Variants in ERC2 observed in about 807,000 individuals in gnomAD.
The protein encoded by ERC2 is ERC protein 2.
In ERC2, 42 loss-of-function variants were observed where a neutral mutation model predicts 114.8. The ratio of observed to expected loss-of-function variants is 0.37; its 90% CI spans 0.29 to 0.47. The LOEUF is 0.47. Among genes scored for constraint, ERC2 ranks in the 20% least tolerant of loss-of-function variants. ERC2 has a pLI of 0.99. For missense variants in ERC2, 939 were observed against 1,150.7 expected (o/e 0.82, Z 2.66); for synonymous variants, 454 against 425.5 (o/e 1.07, Z -0.82).
rs2070595664 is a variant in ERC2, at chr3:55,985,995, G to A, written c.2256-7C>T. On this transcript the variant is annotated splice_polypyrimidine_tract_variant and splice_region_variant and intron_variant, in intron 11 of 17. Coordinates refer to ENST00000288221, the MANE Select transcript of ERC2 (RefSeq NM_015576.3). ...TACTGACCTGAGAGTCAAGCTGATT[G>A]GAGCAAGGGTGAAAGCAGCAATTTG... 2.6e-6 allele frequency: 4 copies of A among 1,540,080 alleles called. No individual in the cohort carries two copies. Among genetic ancestry groups the A allele is most frequent in the African/African-American group, 1.4e-5 (1 of 73,306 alleles).
intron 3 of ERC2, among the ~76,000 whole-genome samples, chr3:56,280,582 G>A (rs1364341853): frequency 6.6e-6 from 1 of 152,170 alleles, no homozygotes; most frequent in Non-Finnish European, 1.5e-5. Flanking sequence ...AAGTCCACTA[G>A]ATGGTTACAT....
chr3:56,139,268 AT>A (rs910005935), intron 6 of ERC2, among the ~76,000 whole-genome samples: 2 of 152,226 alleles, frequency 1.3e-5, no homozygotes, highest in Non-Finnish European at 2.9e-5. Flanking sequence ...AGTATAAGAA[AT>A]TTTTTTAATG....
intron 3 of ERC2, among the ~76,000 whole-genome samples, chr3:56,196,406 C>T (rs988163454): frequency 7.9e-5 from 12 of 151,922 alleles, no homozygotes; most frequent in Admixed American, 2.0e-4. Flanking sequence ...GCCCATTTTC[C>T]ATCAAGTCCA....
intron 17 of ERC2, among the ~76,000 whole-genome samples, chr3:55,639,562 C>G (rs1365415946): frequency 6.6e-6 from 1 of 152,198 alleles, no homozygotes; most frequent in Non-Finnish European, 1.5e-5. Flanking sequence ...AATGAACAAA[C>G]AAGTGAATAA....
At chr3:55,675,899 C>CTTTTT (rs2061771739) in intron 17 of ERC2, among the ~76,000 whole-genome samples, 3 of 58,140 alleles carry the variant, frequency 5.2e-5, no homozygotes, top group Admixed American at 2.1e-4. Flanking sequence ...TTTCTCTTTT[C>CTTTTT]TTTCTTTTTT....
At chr3:56,305,440 T>C (rs1234389371) in intron 2 of ERC2, among the ~76,000 whole-genome samples, 3 of 151,634 alleles carry the variant, frequency 2.0e-5, no homozygotes, top group Non-Finnish European at 4.4e-5. Flanking sequence ...TTCAATCTTA[T>C]TAGTAATCAG....
At chr3:56,457,123 C>T (rs1190953506) in intron 1 of ERC2, among the ~76,000 whole-genome samples, 1 of 152,152 alleles carries the variant, frequency 6.6e-6, no homozygotes, top group South Asian at 2.1e-4. Flanking sequence ...GTATTTCCCT[C>T]GATTAATCTA....
At chr3:56,186,114 TAAAA>T (rs201544979) in intron 3 of ERC2, among the ~76,000 whole-genome samples, 131 of 102,516 alleles carry the variant, frequency 1.3e-3, no homozygotes, top group African/African-American at 4.2e-3. Flanking sequence ...TCAAGAACCT[TAAAA>T]AAAAAAAAAA....
intron 17 of ERC2, among the ~76,000 whole-genome samples, chr3:55,566,164 T>C (rs763295396): frequency 6.6e-5 from 10 of 152,192 alleles, no homozygotes; most frequent in Middle Eastern, 3.2e-3. Flanking sequence ...GTTCAAATCC[T>C]GGTTTCACCA....
intron 17 of ERC2, among the ~76,000 whole-genome samples, chr3:55,641,721 C>G (rs1427771352): frequency 6.6e-6 from 1 of 152,138 alleles, no homozygotes; most frequent in African/African-American, 2.4e-5. Context: ...TGATGCCTCT[C>G]TCCTTTTCCT....
At chr3:55,943,300 C>T (rs1334758710) in intron 13 of ERC2, among the ~76,000 whole-genome samples, 1 of 152,162 alleles carries the variant, frequency 6.6e-6, no homozygotes, top group Non-Finnish European at 1.5e-5. Flanking sequence ...TTCAGTAATG[C>T]CTTCACCGTA....
intron 2 of ERC2, among the ~76,000 whole-genome samples, chr3:56,308,540 C>T (rs1247007481): frequency 6.6e-6 from 1 of 152,118 alleles, no homozygotes; most frequent in Non-Finnish European, 1.5e-5. Context: ...GTATGATGTG[C>T]ATGGAACACA....
chr3:56,334,576 A>G (rs1326566040), intron 2 of ERC2, among the ~76,000 whole-genome samples: 1 of 152,228 alleles, frequency 6.6e-6, no homozygotes, highest in East Asian at 1.9e-4. Flanking sequence ...TTAAATTAGA[A>G]TCATTAAGAA....
intron 17 of ERC2, among the ~76,000 whole-genome samples, chr3:55,677,001 C>T (rs776517206): frequency 6.6e-6 from 1 of 152,156 alleles, no homozygotes; most frequent in Non-Finnish European, 1.5e-5. Context: ...GAGAAACCCA[C>T]AAGAACTTAT....
intron 3 of ERC2, among the ~76,000 whole-genome samples, chr3:56,284,241 A>C (rs965298407): frequency 1.8e-4 from 27 of 152,352 alleles, no homozygotes; most frequent in Non-Finnish European, 2.6e-4. Context: ...GACTTGGTCA[A>C]GTGGGTCAAA....
intron 14 of ERC2, among the ~76,000 whole-genome samples, chr3:55,866,310 T>C (rs993487625): frequency 1.3e-5 from 2 of 152,106 alleles, no homozygotes; most frequent in African/African-American, 2.4e-5. Flanking sequence ...GTTATTTGAG[T>C]TTTTATTGTT....
rs546962441 is a variant in ERC2, at chr3:56,277,252, T to C, written c.1074+18767A>G. ...TTTCACTGCTCCTCTTCCTTCTTAT[T>C]TGTCTTAAACAGAGATATGCCCTAA... On this transcript the variant is annotated intron_variant, in intron 3 of 17. Coordinates refer to ENST00000288221, the MANE Select transcript of ERC2 (RefSeq NM_015576.3). 2.0e-4 allele frequency among the ~76,000 whole-genome samples: 30 copies of C among 152,310 alleles called. No homozygotes were observed. In the South Asian group the frequency reaches 6.0e-3, roughly 31 times the overall value.
intron 14 of ERC2, among the ~76,000 whole-genome samples, chr3:55,811,057 A>G (rs530111795): frequency 6.6e-6 from 1 of 152,294 alleles, no homozygotes; most frequent in African/African-American, 2.4e-5. Flanking sequence ...GTGATACGGA[A>G]AGGTTCTATA....
chr3:56,448,924 C>T (rs920494057), intron 1 of ERC2, among the ~76,000 whole-genome samples: 32 of 151,794 alleles, frequency 2.1e-4, no homozygotes, highest in African/African-American at 7.0e-4. Flanking sequence ...AAATACAAAA[C>T]ATTAGCCAGG....
Sources: allele counts gnomAD v4.1 joint callset (sites outside exome capture counted in the v4.1 genomes callset), GRCh38; gene constraint gnomAD v4.1.1; transcripts MANE v1.5; gene names NCBI Gene and HGNC (gene_info 2026-07-23, HGNC 2026-07-21).